MTMR10: variants seen among roughly 807,000 people sequenced by gnomAD.
MTMR10 encodes the protein myotubularin-related protein 10.
Under a neutral mutation model 88.1 loss-of-function variants are expected in MTMR10, and 56 were observed. The ratio of observed to expected loss-of-function variants is 0.64; its 90% CI spans 0.51 to 0.79. The LOEUF (loss-of-function observed/expected upper bound fraction) is 0.79. MTMR10 is among the 30% of genes least tolerant of loss of function. MTMR10 has a pLI of 0.00. For synonymous variants in MTMR10, 380 were observed against 340.9 expected (o/e 1.11, Z -1.26); for missense variants, 883 against 924.7 (o/e 0.95, Z 0.58).
At chr15:30,963,428 A>C (rs560282182) in intron 6 of MTMR10, among the ~76,000 whole-genome samples, 1 of 152,260 alleles carries the variant, frequency 6.6e-6, no homozygotes, top group South Asian at 2.1e-4. Context: ...CAGGAGATCG[A>C]GACCATCTTG....
At chr15:30,981,473 C>A (rs2030565637) in intron 2 of MTMR10, among the ~76,000 whole-genome samples, 2 of 152,350 alleles carry the variant, frequency 1.3e-5, no homozygotes, top group South Asian at 4.1e-4. Context: ...TCCCAAAATC[C>A]ATAACCTCTG....
In MTMR10 at chr15:30,991,493, T is replaced by C; in HGVS notation, c.14A>G (p.Lys5Arg). 4 of 1,524,134 alleles carry C rather than the reference T, an allele frequency of 2.6e-6. No homozygotes were observed. Among genetic ancestry groups the C allele is most frequent in the Non-Finnish European group, 3.5e-6 (4 of 1,145,000 alleles). 94.4% of individuals were successfully genotyped at this position (1,524,134 alleles called of 1,614,324 possible). Residue 5 changes from lysine to arginine, a missense_variant, in exon 1 of 16, where the codon AAG (lysine) becomes AGG (arginine). Physicochemically the swap from Lys to Arg is conservative, Grantham distance 26 (BLOSUM62 2). This residue lies in a region of MTMR10 where 414 missense variants were observed against 423.2 expected (regional missense o/e 0.98). Coordinates refer to ENST00000435680, the MANE Select transcript of MTMR10 (RefSeq NM_017762.3). MFSLKPPKPTFRSYL... is the reference protein window; with the variant it reads MFSLRPPKPTFRSYL... Reference sequence around the variant, plus strand: ...GGACCTGAAGGTGGGTTTGGGCGGCTTGAGGGAGAACATGGTGCCGCCGCC... The same window carrying C: ...GGACCTGAAGGTGGGTTTGGGCGGCCTGAGGGAGAACATGGTGCCGCCGCC...
chr15:30,974,916 C>A lies in MTMR10; in HGVS notation c.331+15G>T. 1 of 1,492,686 alleles carries A rather than the reference C, an allele frequency of 6.7e-7. No homozygotes were observed. Among genetic ancestry groups the A allele is most frequent in the East Asian group, 2.4e-5 (1 of 40,834 alleles). 92.5% of individuals were successfully genotyped at this position (1,492,686 alleles called of 1,614,324 possible). A position where few individuals can be genotyped will look rare whatever the true frequency, so the allele number is the denominator to read the frequency against. On this transcript the variant is annotated intron_variant, in intron 4 of 15. Transcript: ENST00000435680. ...GTGGAATTGACTTTTAGAGTATGTA[C>A]GGAATACTACGTACCTGTGACAATT... is the stretch of plus-strand genomic sequence containing the variant.
chr15:30,923,037 C>A, the MTMR10 span, among the ~76,000 whole-genome samples: 1 of 152,188 alleles, frequency 6.6e-6, no homozygotes. Context: ...CTATTCCAGC[C>A]CTGCATTTGA....
At chr15:30,937,123 T>C, downstream of MTMR10, 1 of 1,606,186 alleles carries the variant, frequency 6.2e-7, no homozygotes. Flanking sequence ...TTCCAGCTGG[T>C]GGAAGTTAAA....
At chr15:30,976,127 GCTGGGTGCAGTGGC>G (rs1182934994) in intron 3 of MTMR10, among the ~76,000 whole-genome samples, 1 of 148,756 alleles carries the variant, frequency 6.7e-6, no homozygotes, top group Admixed American at 6.7e-5. Context: ...AAAAAAGGTA[GCTGGGTGCAGTGGC>G]CTGTACTCTG....
intron 4 of MTMR10, 60 bp from the exon 5 acceptor site, chr15:30,974,516 T>C: frequency 7.4e-7 from 1 of 1,347,766 alleles, no homozygotes; most frequent in Non-Finnish European, 9.8e-7. Flanking sequence ...TTACTCACCC[T>C]TTAATACAAA....
the MTMR10 span, chr15:30,925,246 C>A: frequency 6.2e-7 from 1 of 1,614,148 alleles, no homozygotes; most frequent in South Asian, 1.1e-5. Context: ...AGTTCAAGCA[C>A]CTCTTCCAGC....
the MTMR10 span, chr15:30,920,669 C>G: frequency 2.2e-4 from 321 of 1,454,864 alleles, 1 homozygote; most frequent in African/African-American, 4.0e-3. Context: ...AGCACAGGTC[C>G]CTGCCCCCCA....
intron 2 of MTMR10, among the ~76,000 whole-genome samples, chr15:30,977,470 G>A (rs1395463079): frequency 1.3e-5 from 2 of 151,968 alleles, no homozygotes; most frequent in African/African-American, 2.4e-5. Context: ...TAACTTAGTA[G>A]GCAACAAAAC....
chr15:30,962,377 T>G (rs1236077332), intron 6 of MTMR10, among the ~76,000 whole-genome samples: 1 of 152,180 alleles, frequency 6.6e-6, no homozygotes, highest in Non-Finnish European at 1.5e-5. Flanking sequence ...CCAGCTGGCA[T>G]CCCCAATGGA....
intron 9 of MTMR10, among the ~76,000 whole-genome samples, chr15:30,955,472 A>T (rs535377035): frequency 6.6e-6 from 1 of 152,040 alleles, no homozygotes; most frequent in Non-Finnish European, 1.5e-5. Flanking sequence ...GGGTTTCACC[A>T]TGTTGGCCAG....
chr15:30,954,615 C>T, intron 10 of MTMR10, 148 bp downstream of exon 10: 1 of 870,032 alleles, frequency 1.1e-6, no homozygotes, highest in Non-Finnish European at 1.6e-6. Flanking sequence ...CTGAAGTTCT[C>T]ATACAATAAT....
In MTMR10 at chr15:30,939,325, C is replaced by T. The variant is rs181070366; in HGVS notation, c.*2145G>A. ...GCATCTGTGCGGCATTCCCTCAGCA[C>T]GGGCTCTGCTGGCGGGCAGCAGGGG... On this transcript the variant is annotated 3_prime_UTR_variant, in exon 16 of 16. Transcript: ENST00000435680. 8 of 985,488 alleles carry T rather than the reference C, an allele frequency of 8.1e-6. No homozygotes were observed. The South Asian group carries it at 2.3e-4, about 29-fold the overall frequency. The allele number at this position is 985,488 out of a possible 1,614,324, so 61.0% of individuals were successfully genotyped here.
At chr15:30,918,720 C>T in the MTMR10 span, among the ~76,000 whole-genome samples, 5 of 152,190 alleles carry the variant, frequency 3.3e-5, no homozygotes, top group African/African-American at 7.2e-5. Flanking sequence ...GCGAACTTTC[C>T]AGGTACACAG....
chr15:30,930,494 A>G, the MTMR10 span: 2 of 1,552,514 alleles, frequency 1.3e-6, no homozygotes, highest in Non-Finnish European at 1.7e-6. Flanking sequence ...GCCTATTTCC[A>G]TTCTCTGTCA....
chr15:30,927,069 G>A, the MTMR10 span: 1 of 969,168 alleles, frequency 1.0e-6, no homozygotes, highest in South Asian at 4.8e-5. Context: ...CCCAGCACTT[G>A]GGGAGGCTGA....
intron 6 of MTMR10, among the ~76,000 whole-genome samples, chr15:30,966,787 T>C (rs1237636488): frequency 6.6e-6 from 1 of 151,852 alleles, no homozygotes; most frequent in East Asian, 1.9e-4. Flanking sequence ...ACAATTTCTA[T>C]AAATATAATA....
At chr15:30,973,150 T>G (rs1291133586) in intron 5 of MTMR10, among the ~76,000 whole-genome samples, 4 of 152,180 alleles carry the variant, frequency 2.6e-5, no homozygotes, top group Non-Finnish European at 4.4e-5. Flanking sequence ...CACTTTAAAT[T>G]AGTAAAATGC....
Sources: gnomAD v4.1 joint callset for allele counts (sites outside exome capture counted in the v4.1 genomes callset) on GRCh38, gnomAD v4.1.1 for gene constraint, gnomAD v4.1.1 regional missense constraint, MANE v1.5 for transcripts, NCBI Gene and HGNC (gene_info 2026-07-23, HGNC 2026-07-21) for gene names.